The following TYR variants were observed in gnomAD, a reference collection of about 807,000 sequenced individuals.
The protein encoded by TYR is LB24-AB.
TYR carries 58 observed loss-of-function variants against 51.5 expected under a neutral mutation model. That is an observed-to-expected ratio of 1.13 (90% CI 0.91 to 1.40). The LOEUF is 1.40. TYR is among the 40% of genes most tolerant of loss of function. The pLI, the probability that TYR is intolerant of heterozygous loss-of-function variation, is 0.00. For synonymous variants in TYR, 263 were observed against 235.2 expected (o/e 1.12, Z -1.08); for missense variants, 732 against 647.4 (o/e 1.13, Z -1.42).
chr11:89,224,165 G>T (rs1943947649), intron 2 of TYR, among the ~76,000 whole-genome samples: 1 of 152,084 alleles, frequency 6.6e-6, no homozygotes, highest in South Asian at 2.1e-4. Context: ...CAGCAAAAGA[G>T]ATACTTTTGC....
At chr11:89,185,244 C>A (rs1943354731) in intron 1 of TYR, among the ~76,000 whole-genome samples, 1 of 151,958 alleles carries the variant, frequency 6.6e-6, no homozygotes, top group African/African-American at 2.4e-5. Flanking sequence ...GTGAGAATTT[C>A]TAATTTTAAT....
chr11:89,273,114 C>T (rs1944609566), intron 3 of TYR, among the ~76,000 whole-genome samples: 2 of 151,900 alleles, frequency 1.3e-5, no homozygotes, highest in Admixed American at 1.3e-4. Flanking sequence ...GTTGCATTTA[C>T]ACCTTGACTG....
intron 2 of TYR, among the ~76,000 whole-genome samples, chr11:89,217,722 G>C (rs1470798067): frequency 6.6e-6 from 1 of 152,092 alleles, no homozygotes; most frequent in Non-Finnish European, 1.5e-5. Context: ...TCTGGCCTGG[G>C]CTGGCCTGCC....
intron 3 of TYR, among the ~76,000 whole-genome samples, chr11:89,279,965 T>C (rs1944702079): frequency 6.6e-6 from 1 of 151,768 alleles, no homozygotes; most frequent in Non-Finnish European, 1.5e-5. Context: ...TTTATTAATT[T>C]GTATATTTAT....
At chr11:89,180,452 A>G (rs749705730) in intron 1 of TYR, among the ~76,000 whole-genome samples, 2 of 152,180 alleles carry the variant, frequency 1.3e-5, no homozygotes, top group Non-Finnish European at 2.9e-5. Flanking sequence ...GATGCTATCC[A>G]CAACTGTATG....
chr11:89,234,454 A>G (rs1031128144), intron 3 of TYR, among the ~76,000 whole-genome samples: 2 of 143,686 alleles, frequency 1.4e-5, no homozygotes, highest in African/African-American at 5.5e-5. Context: ...TGCAATTGCA[A>G]CTTGACTAAC....
chr11:89,264,487 C>A (rs560963908), intron 3 of TYR, among the ~76,000 whole-genome samples: 99 of 151,868 alleles, frequency 6.5e-4, no homozygotes, highest in Non-Finnish European at 1.2e-3. Flanking sequence ...ATTAGTTCAA[C>A]CCTTGTGGAA....
intron 4 of TYR, among the ~76,000 whole-genome samples, chr11:89,291,473 A>G (rs1184838850): frequency 1.3e-5 from 2 of 151,960 alleles, no homozygotes; most frequent in African/African-American, 4.8e-5. Flanking sequence ...GTATCAGTAA[A>G]AAGACTTTTT....
intron 3 of TYR, among the ~76,000 whole-genome samples, chr11:89,279,704 A>G (rs981883855): frequency 6.6e-6 from 1 of 151,680 alleles, no homozygotes; most frequent in Admixed American, 6.6e-5. Context: ...TATCACCCAA[A>G]AAGGGCTATG....
intron 3 of TYR, among the ~76,000 whole-genome samples, chr11:89,265,915 T>C (rs979190238): frequency 6.6e-6 from 1 of 151,866 alleles, no homozygotes; most frequent in African/African-American, 2.4e-5. Context: ...GGAAAAAAAC[T>C]AAGAAATATT....
chr11:89,181,612 C>T (rs1419543733), intron 1 of TYR, among the ~76,000 whole-genome samples: 10 of 152,106 alleles, frequency 6.6e-5, no homozygotes, highest in African/African-American at 1.9e-4. Flanking sequence ...TTATTGGTTT[C>T]AGATATCATT....
chr11:89,279,598 G>A (rs1420736083), intron 3 of TYR, among the ~76,000 whole-genome samples: 2 of 151,634 alleles, frequency 1.3e-5, no homozygotes, highest in Non-Finnish European at 3.0e-5. Context: ...ATAAAACTTT[G>A]ATTAAATTAT....
At chr11:89,205,082 C>G (rs983743002) in intron 2 of TYR, among the ~76,000 whole-genome samples, 1 of 151,390 alleles carries the variant, frequency 6.6e-6, no homozygotes, top group African/African-American at 2.4e-5. Flanking sequence ...TCACAAAGAA[C>G]AAAACAAAAT....
chr11:89,251,983 T>C (rs187939697), intron 3 of TYR, among the ~76,000 whole-genome samples: 7 of 151,988 alleles, frequency 4.6e-5, no homozygotes, highest in Non-Finnish European at 7.4e-5. Flanking sequence ...TTAAGTTGCG[T>C]CGCCTTCAGT....
chr11:89,224,117 A>G (rs1943947022), intron 2 of TYR, among the ~76,000 whole-genome samples: 1 of 152,090 alleles, frequency 6.6e-6, no homozygotes, highest in Non-Finnish European at 1.5e-5. Context: ...TTTAGGAAGG[A>G]GGGAGATGCG....
chr11:89,270,774 T>C (rs960976948), intron 3 of TYR, among the ~76,000 whole-genome samples: 1 of 151,888 alleles, frequency 6.6e-6, no homozygotes, highest in African/African-American at 2.4e-5. Flanking sequence ...TTCCTATGTA[T>C]TTTATATATG....
At chr11:89,263,468 T>C (rs993329462) in intron 3 of TYR, among the ~76,000 whole-genome samples, 2 of 152,066 alleles carry the variant, frequency 1.3e-5, no homozygotes, top group Non-Finnish European at 2.9e-5. Context: ...GCAAAGATGT[T>C]TGCTTAGACT....
Position 89,284,954 on chromosome 11 carries a change from G to GGTAAA in TYR, c.1366+3_1366+7dup, listed in dbSNP as rs1944766039. The stretch of plus-strand genomic sequence containing the variant: ...TGACTATAGCTATCTACAAGATTCA[G>GGTAAA]GTAAAGTTTACTTTCTTTCAGAGGA... On this transcript the variant is annotated frameshift_variant and splice_region_variant. Coordinates refer to ENST00000263321, the MANE Select transcript of TYR (RefSeq NM_000372.5). LOFTEE classifies it high-confidence loss of function. 3 of 1,610,460 alleles carry GGTAAA rather than the reference G, an allele frequency of 1.9e-6. No homozygotes were observed. Among genetic ancestry groups the GGTAAA allele is most frequent in the Non-Finnish European group, 2.5e-6 (3 of 1,177,596 alleles).
At chr11:89,215,518 A>G (rs923569310) in intron 2 of TYR, among the ~76,000 whole-genome samples, 1 of 143,236 alleles carries the variant, frequency 7.0e-6, no homozygotes, top group Admixed American at 6.7e-5. Context: ...TTAAAGTATA[A>G]TAATAGTAAT....
Sources: gnomAD v4.1 joint callset for allele counts (sites outside exome capture counted in the v4.1 genomes callset) on GRCh38, gnomAD v4.1.1 for gene constraint, MANE v1.5 for transcripts, NCBI Gene and HGNC (gene_info 2026-07-23, HGNC 2026-07-21) for gene names.